The following DYRK1A variants were observed in gnomAD, a reference collection of about 807,000 sequenced individuals.
DYRK1A encodes the protein dual specificity tyrosine phosphorylation regulated kinase 1A.
DYRK1A carries 9 observed loss-of-function variants against 79.7 expected under a neutral mutation model. That is an observed-to-expected ratio of 0.11 (90% CI 0.07 to 0.20). The LOEUF (loss-of-function observed/expected upper bound fraction) is 0.20, where lower values mean the gene tolerates loss of function less well. DYRK1A is among the 10% of genes least tolerant of loss of function. DYRK1A has a pLI of 1.00. For synonymous variants in DYRK1A, 349 were observed against 329.7 expected (o/e 1.06, Z -0.63); for missense variants, 622 against 956.0 (o/e 0.65, Z 4.61).
chr21:37,489,585 T>G (rs1169392258), intron 6 of DYRK1A, among the ~76,000 whole-genome samples: 2 of 151,990 alleles, frequency 1.3e-5, no homozygotes, highest in African/African-American at 4.8e-5. Flanking sequence ...CCTCCAATAC[T>G]TTTACCAAAG....
chr21:37,417,791 C>T (rs1244691162), intron 1 of DYRK1A, among the ~76,000 whole-genome samples: 1 of 151,968 alleles, frequency 6.6e-6, no homozygotes, highest in East Asian at 1.9e-4. Flanking sequence ...ACCATGTAAG[C>T]TCGGTTCCTG....
chr21:37,483,390 T>C (rs2052728121), intron 5 of DYRK1A, among the ~76,000 whole-genome samples: 1 of 152,154 alleles, frequency 6.6e-6, no homozygotes, highest in Non-Finnish European at 1.5e-5. Flanking sequence ...AATATGAACA[T>C]TTGTGTTAGA....
chr21:37,453,243 A>C (rs1319042172), intron 2 of DYRK1A, among the ~76,000 whole-genome samples: 1 of 152,254 alleles, frequency 6.6e-6, no homozygotes, highest in Non-Finnish European at 1.5e-5. Flanking sequence ...TTATGTTGCT[A>C]AGTCCTTAAT....
Position 37,478,242 on chromosome 21 carries a change from C to A in DYRK1A, c.242C>A (p.Thr81Asn). 1.9e-6 allele frequency: 3 copies of A among 1,614,108 alleles called. No homozygotes were observed. In the South Asian group the frequency reaches 3.3e-5, roughly 18 times the overall value. Residue 81 changes from threonine to asparagine, a missense_variant, in exon 4 of 12, where the codon ACT (threonine) becomes AAT (asparagine). Physicochemically the swap from Thr to Asn is moderately conservative, Grantham distance 65. Around this residue, in one of 5 missense-constraint regions of DYRK1A, gnomAD observed 91 missense variants for 113.8 expected, o/e 0.80. Coordinates refer to ENST00000647188, the MANE Select transcript of DYRK1A (RefSeq NM_001347721.2). ...CCCCAAACCTTCCGTGACCCAGCAA[C>A]TGCTCCCCTGAGAAAACTTTCTGTT... ...RMPQTFRDPA[T>N]APLRKLSVDL... is the part of the protein sequence containing the mutation.
chr21:37,372,318 G>A (rs1290680638), intron 1 of DYRK1A, among the ~76,000 whole-genome samples: 1 of 151,188 alleles, frequency 6.6e-6, no homozygotes, highest in Non-Finnish European at 1.5e-5. Context: ...GTGTGTTAGT[G>A]CCACCTGTAG....
At chr21:37,386,631 G>A (rs1192122220) in intron 1 of DYRK1A, among the ~76,000 whole-genome samples, 1 of 152,154 alleles carries the variant, frequency 6.6e-6, no homozygotes, top group Non-Finnish European at 1.5e-5. Context: ...GGATGCTTTT[G>A]GATGCAGCTA....
At position 37,519,341 on chromosome 21, in the gene DYRK1A, T is replaced by G. The variant is rs557825230; in HGVS notation, c.*6810T>G. On this transcript the variant is annotated 3_prime_UTR_variant, in exon 12 of 12. Transcript: ENST00000647188. ...GCTCCTCTCATTGGCTTCGTGACCC[T>G]GGGTACGCTGCTCAACTTGCGCAAG... The G allele has an allele frequency of 6.6e-6, 1 of 152,430 alleles. No individual in the cohort carries two copies. Among genetic ancestry groups the G allele is most frequent in the East Asian group, 1.9e-4 (1 of 5,192 alleles). The allele number at this position is 152,430 out of a possible 1,614,324, so 9.4% of individuals were successfully genotyped here. A position where few individuals can be genotyped will look rare whatever the true frequency, so the allele number is the denominator to read the frequency against.
At chr21:37,386,379 T>A (rs2049760807) in intron 1 of DYRK1A, among the ~76,000 whole-genome samples, 1 of 152,156 alleles carries the variant, frequency 6.6e-6, no homozygotes, top group Admixed American at 6.5e-5. Flanking sequence ...CAGAGACCGC[T>A]GCTGTAGAGC....
At chr21:37,472,197 G>A (rs1330631368) in intron 2 of DYRK1A, among the ~76,000 whole-genome samples, 1 of 152,168 alleles carries the variant, frequency 6.6e-6, no homozygotes, top group Non-Finnish European at 1.5e-5. Flanking sequence ...GATTGCCTGT[G>A]TCAGTGGAGA....
At chr21:37,399,257 G>T (rs2148398198) in intron 1 of DYRK1A, among the ~76,000 whole-genome samples, 1 of 152,244 alleles carries the variant, frequency 6.6e-6, no homozygotes, top group South Asian at 2.1e-4. Flanking sequence ...CAAATAAGTG[G>T]ATTTTCCTTT....
chr21:37,494,886 T>G (rs1291293319), intron 8 of DYRK1A, among the ~76,000 whole-genome samples: 3 of 151,638 alleles, frequency 2.0e-5, no homozygotes, highest in African/African-American at 7.3e-5. Flanking sequence ...AGGCAGAGCT[T>G]GCAGTGAGCC....
intron 3 of DYRK1A, among the ~76,000 whole-genome samples, chr21:37,474,576 C>G (rs955339689): frequency 6.6e-6 from 1 of 152,180 alleles, no homozygotes; most frequent in Non-Finnish European, 1.5e-5. Context: ...GGCTCATGAT[C>G]TGGTTGTAGG....
chr21:37,417,356 A>C (rs747861072), intron 1 of DYRK1A, among the ~76,000 whole-genome samples: 1 of 151,582 alleles, frequency 6.6e-6, no homozygotes, highest in African/African-American at 2.4e-5. Flanking sequence ...ACGCCCAGCT[A>C]ATTTTTTTTG....
intron 5 of DYRK1A, among the ~76,000 whole-genome samples, chr21:37,484,459 G>T (rs771935549): frequency 1.3e-5 from 2 of 151,684 alleles, no homozygotes; most frequent in Non-Finnish European, 2.9e-5. Flanking sequence ...CTCTTGGGTA[G>T]CTGGGATTGC....
At chr21:37,471,064 G>C (rs987117505) in intron 2 of DYRK1A, among the ~76,000 whole-genome samples, 1 of 152,326 alleles carries the variant, frequency 6.6e-6, no homozygotes, top group African/African-American at 2.4e-5. Flanking sequence ...TGACATTCCA[G>C]CTTCAGCAGG....
intron 2 of DYRK1A, among the ~76,000 whole-genome samples, chr21:37,457,784 A>C (rs150758487): frequency 1.3e-5 from 2 of 152,096 alleles, no homozygotes; most frequent in East Asian, 3.9e-4. Context: ...CAAGTCCTCT[A>C]TGTGTATGCT....
At chr21:37,447,271 T>TG (rs1272913547) in intron 2 of DYRK1A, among the ~76,000 whole-genome samples, 1 of 152,054 alleles carries the variant, frequency 6.6e-6, no homozygotes, top group East Asian at 1.9e-4. Context: ...ATGTTATAGT[T>TG]GGGGGGAAAG....
At chr21:37,500,263 G>A (rs984528395) in intron 9 of DYRK1A, among the ~76,000 whole-genome samples, 1 of 152,052 alleles carries the variant, frequency 6.6e-6, no homozygotes, top group African/African-American at 2.4e-5. Context: ...TTTTTCTCCT[G>A]TTTTGTGGTA....
chr21:37,481,000 G>C (rs1261040805), intron 5 of DYRK1A, 174 bp downstream of exon 5: 2 of 545,640 alleles, frequency 3.7e-6, no homozygotes, highest in African/African-American at 3.9e-5. Flanking sequence ...TACTGCATCA[G>C]TAATATAAAC....
Sources: allele counts gnomAD v4.1 joint callset (sites outside exome capture counted in the v4.1 genomes callset), GRCh38; gene constraint gnomAD v4.1.1; regional missense constraint gnomAD v4.1.1; transcripts MANE v1.5; gene names NCBI Gene and HGNC (gene_info 2026-07-23, HGNC 2026-07-21).